The following TTC22 variants were observed in gnomAD, a reference collection of about 807,000 sequenced individuals.
TTC22 encodes the protein tetratricopeptide repeat protein 22.
In TTC22, 42 loss-of-function variants were observed where a neutral mutation model predicts 48.2. The observed-to-expected ratio is 0.87, with a 90% confidence interval of 0.68 to 1.13. The LOEUF is 1.13. TTC22 is among the 50% of genes most tolerant of loss of function. The pLI is 0.00. For missense variants in TTC22, 784 were observed against 807.0 expected, an observed-to-expected ratio of 0.97 and a Z score of 0.34; for synonymous variants, 345 against 365.5, an observed-to-expected ratio of 0.94 and a Z score of 0.64.
intron 1 of TTC22, among the ~76,000 whole-genome samples, chr1:54,800,305 G>A (rs1188962220): frequency 6.6e-6 from 1 of 152,190 alleles, no homozygotes; most frequent in Non-Finnish European, 1.5e-5. Context: ...GCAGGAACAG[G>A]CACTTGCTGG....
Position 54,800,611 on chromosome 1 carries a change from C to T in TTC22, c.553G>A (p.Gly185Ser). The stretch of plus-strand genomic sequence containing the variant: ...GGGTCACCTACCTGCTGCCCGTAGC[C>T]TAGCGCCTTGTCGTAGAGCGCGATG... ...AGIALYDKAL[G>S]YGQQIPMEEK... The change falls in exon 1 of 7, where the codon GGC (glycine) becomes AGC (serine). Residue 185 changes from glycine (G) to serine (S), a missense_variant. Gly to Ser is a moderately conservative substitution (Grantham distance 56). Coordinates refer to ENST00000371276, the MANE Select transcript of TTC22 (RefSeq NM_001114108.2). The T allele has an allele frequency of 6.5e-7, 1 of 1,539,782 alleles. No homozygotes were observed. The highest frequency in any genetic ancestry group is 8.6e-7 in the Non-Finnish European group (1 of 1,156,190).
intron 1 of TTC22, among the ~76,000 whole-genome samples, chr1:54,790,933 G>A (rs1319543697): frequency 6.6e-6 from 1 of 152,000 alleles, no homozygotes; most frequent in Non-Finnish European, 1.5e-5. Context: ...TGTGATCTCA[G>A]CTCACTGCAA....
In TTC22 at chr1:54,787,777, G is replaced by T; in HGVS notation, c.673C>A (p.Pro225Thr). The T allele has an allele frequency of 1.9e-6, 3 of 1,613,392 alleles. No individual in the cohort carries two copies. The South Asian group carries it at 3.3e-5, about 18-fold the overall frequency. Residue 225 changes from proline to threonine, a missense_variant, in exon 3 of 7, where the codon CCT becomes ACT. Coordinates refer to ENST00000371276, the MANE Select transcript of TTC22 (RefSeq NM_001114108.2). Reference sequence around the variant, plus strand: ...AGGGCCAGCGTGCGGTTGAAGGCAGGCAGTCTCTTCTGCTCCTCACTGCCC... The same window carrying T: ...AGGGCCAGCGTGCGGTTGAAGGCAGTCAGTCTCTTCTGCTCCTCACTGCCC... ...ELGSEEQKRL[P>T]AFNRTLALLR...
Position 54,787,078 on chromosome 1 carries a change from G to T in TTC22, c.740-3C>A. The T allele has an allele frequency of 1.4e-6, 2 of 1,478,946 alleles. No homozygotes were observed. The highest frequency in any genetic ancestry group is 1.8e-6 in the Non-Finnish European group (2 of 1,102,050). The allele number at this position is 1,478,946 out of a possible 1,614,324, so 91.6% of individuals were successfully genotyped here. Reference sequence around the variant, plus strand: ...CCCGAGGTAGCACCAGGCCAGGGCTGGGGGTGAAGGGTGGGAGAGGGTCTC... The same window carrying T: ...CCCGAGGTAGCACCAGGCCAGGGCTTGGGGTGAAGGGTGGGAGAGGGTCTC... On this transcript the variant is annotated splice_region_variant and splice_polypyrimidine_tract_variant and intron_variant, in intron 3 of 6. Coordinates refer to ENST00000371276, the MANE Select transcript of TTC22 (RefSeq NM_001114108.2).
At chr1:54,790,432 G>C (rs1300048994) in intron 1 of TTC22, among the ~76,000 whole-genome samples, 1 of 152,248 alleles carries the variant, frequency 6.6e-6, no homozygotes, top group Non-Finnish European at 1.5e-5. Context: ...ACGGATGTGT[G>C]CCTTTACATT....
rs187083304 is a variant in TTC22, at chr1:54,793,756, C to T, written c.568-5659G>A. On this transcript the variant is annotated intron_variant, in intron 1 of 6. Transcript: ENST00000371276. ...CAGGCACTTCATTTACATGCGTTACCCCATTAGACTTTCTCAAGGGTTACC... is the reference window on the plus strand; with the variant it reads ...CAGGCACTTCATTTACATGCGTTACTCCATTAGACTTTCTCAAGGGTTACC... 5.3e-3 allele frequency among the ~76,000 whole-genome samples: 807 copies of T among 152,222 alleles called. 3 individuals are homozygous for T. The highest frequency in any genetic ancestry group is 7.9e-3 in the Non-Finnish European group (540 of 68,018).
intron 5 of TTC22, 152 bp downstream of exon 5, chr1:54,785,831 A>G: frequency 1.4e-6 from 1 of 714,034 alleles, no homozygotes; most frequent in Non-Finnish European, 2.3e-6. Context: ...AAAAAACTTT[A>G]TAGAACCCAA....
intron 1 of TTC22, among the ~76,000 whole-genome samples, chr1:54,799,437 C>T (rs540321717): frequency 6.6e-6 from 1 of 152,328 alleles, no homozygotes; most frequent in South Asian, 2.1e-4. Flanking sequence ...GCCCCTGCTT[C>T]CTGCACCCCT....
Position 54,800,699 on chromosome 1 carries a change from GT to G in TTC22, c.464del (p.Tyr155SerfsTer30), listed in dbSNP as rs1465228626. The G allele has an allele frequency of 7.7e-6, 12 of 1,549,616 alleles. No individual in the cohort carries two copies. Among genetic ancestry groups the G allele is most frequent in the Non-Finnish European group, 1.0e-5 (12 of 1,154,754 alleles). ...CGCAGCCGACGTCGAAGCCATGCGC[GT>G]AGCCCTGCTCGGCCAGGCAGCGAGC... ...RAARCLAEQG[Y>X]AHGFDVGCAS... is the part of the protein sequence containing the mutation. On this transcript the variant is annotated frameshift_variant, in exon 1 of 7. Transcript: ENST00000371276. LOFTEE classifies it high-confidence loss of function.
At chr1:54,789,238 AT>A (rs1646331086) in intron 1 of TTC22, among the ~76,000 whole-genome samples, 1 of 152,216 alleles carries the variant, frequency 6.6e-6, no homozygotes. Flanking sequence ...GATAGAGGCC[AT>A]GAGAGTGGTA....
chr1:54,791,650 A>C (rs6663032), intron 1 of TTC22, among the ~76,000 whole-genome samples: 14,320 of 152,038 alleles, frequency 0.094, 856 homozygotes, highest in Non-Finnish European at 0.14. Context: ...GTCCTCTCCC[A>C]ACTATGCTCC....
chr1:54,786,829 T>C (rs1646305088), intron 4 of TTC22, 128 bp downstream of exon 4: 2 of 472,408 alleles, frequency 4.2e-6, no homozygotes, highest in African/African-American at 4.0e-5. Flanking sequence ...AGGTCTGGAG[T>C]AAGTGTACTT....
chr1:54,788,136 G>C, intron 1 of TTC22, 39 bp from the exon 2 acceptor site: 1 of 1,598,220 alleles, frequency 6.3e-7, no homozygotes, highest in African/African-American at 1.3e-5. Context: ...CCATTACTGA[G>C]GTACTCTGGC....
In TTC22 at chr1:54,787,723, G is replaced by T. The variant is rs748510281; in HGVS notation, c.727C>A (p.Pro243Thr). ...LLRQVLKSEDPRHRALAWCYL... is the reference protein window; with the variant it reads ...LLRQVLKSEDTRHRALAWCYL... ...CCCGGGTCCCCACCTCGGTGGCGGG[G>T]GTCCTCGGACTTCAGCACTTGCCGG... Residue 243 changes from proline (P) to threonine (T), a missense_variant, in exon 3 of 7, where the codon CCC (proline) becomes ACC (threonine). Coordinates refer to ENST00000371276, the MANE Select transcript of TTC22 (RefSeq NM_001114108.2). 1.2e-5 allele frequency: 20 copies of T among 1,612,396 alleles called. 3 individuals are homozygous for T. In the South Asian group the frequency reaches 2.2e-4, roughly 18 times the overall value.
In TTC22 at chr1:54,782,400, C is replaced by T. The variant is rs867548010; in HGVS notation, c.1098G>A (p.Leu366=). 1.3e-6 allele frequency: 2 copies of T among 1,551,520 alleles called. No individual in the cohort carries two copies. Among genetic ancestry groups the T allele is most frequent in the Middle Eastern group, 1.7e-4 (1 of 5,988 alleles). Residue 366 remains leucine, a synonymous_variant, in exon 6 of 7, where the codon CTG becomes CTA. Transcript: ENST00000371276. ...GLGGMPDRNH[L]ACAKADLEEV... is the part of the protein sequence containing the mutation. ...CCTCAAGGTCAGCCTTGGCACAGGC[C>T]AGGTGGTTCCTGTCAGGCATGCCCC... is the stretch of plus-strand genomic sequence containing the variant.
At chr1:54,788,227 T>G in intron 1 of TTC22, 130 bp from the exon 2 acceptor site, 1 of 835,624 alleles carries the variant, frequency 1.2e-6, no homozygotes, top group Non-Finnish European at 2.0e-6. Context: ...TTAAACACCT[T>G]TGATTACAGT....
intron 1 of TTC22, among the ~76,000 whole-genome samples, chr1:54,789,765 G>T (rs1298974437): frequency 1.3e-5 from 2 of 152,232 alleles, no homozygotes; most frequent in African/African-American, 4.8e-5. Flanking sequence ...GCCCAAGGAG[G>T]TATCCTGTAT....
At chr1:54,791,356 C>T (rs777825541) in intron 1 of TTC22, among the ~76,000 whole-genome samples, 6 of 152,184 alleles carry the variant, frequency 3.9e-5, no homozygotes, top group Non-Finnish European at 8.8e-5. Flanking sequence ...GCTCGTGTGC[C>T]TGGCAGGCCT....
chr1:54,784,386 T>G (rs1429402675), intron 5 of TTC22, among the ~76,000 whole-genome samples: 1 of 152,066 alleles, frequency 6.6e-6, no homozygotes, highest in Non-Finnish European at 1.5e-5. Flanking sequence ...CACCAGATGG[T>G]GATGGAGGGA....
Sources: allele counts gnomAD v4.1 joint callset (sites outside exome capture counted in the v4.1 genomes callset), GRCh38; gene constraint gnomAD v4.1.1; transcripts MANE v1.5; gene names NCBI Gene and HGNC (gene_info 2026-07-23, HGNC 2026-07-21).